P2RX5: variants seen among roughly 807,000 people sequenced by gnomAD.
P2RX5 encodes P2X purinoceptor 5.
P2RX5 carries 46 observed loss-of-function variants against 54.1 expected under a neutral mutation model. That is an observed-to-expected ratio of 0.85 (90% confidence interval 0.67 to 1.09). The LOEUF (loss-of-function observed/expected upper bound fraction) is 1.09, where lower values mean the gene tolerates loss of function less well. P2RX5 is among the 50% of genes least tolerant of loss of function. P2RX5 has a pLI of 0.00. For missense variants in P2RX5, 566 were observed against 549.8 expected (o/e 1.03, Z -0.29); for synonymous variants, 226 against 226.4 (o/e 1.00, Z 0.02).
chr17:3,685,263 C>G (rs2050408732), intron 9 of P2RX5, among the ~76,000 whole-genome samples: 3 of 152,330 alleles, frequency 2.0e-5, no homozygotes, highest in African/African-American at 4.8e-5. Context: ...AACCCATGCA[C>G]AGCTGCAGAG....
chr17:3,677,953 A>T (rs1254537372), intron 11 of P2RX5: 1 of 985,310 alleles, frequency 1.0e-6, no homozygotes, highest in African/African-American at 1.7e-5. Flanking sequence ...AAAGTTCAGG[A>T]GAGATGGCTG....
At chr17:3,714,094 A>AT in the P2RX5 span, among the ~76,000 whole-genome samples, 1 of 149,470 alleles carries the variant, frequency 6.7e-6, no homozygotes, top group Non-Finnish European at 1.5e-5. Flanking sequence ...CACCCGGCTA[A>AT]TTTTTTTTAT....
At chr17:3,723,783 C>T in the P2RX5 span, 6 of 1,601,068 alleles carry the variant, frequency 3.7e-6, no homozygotes, top group Non-Finnish European at 5.1e-6. Flanking sequence ...CTGAACAAAC[C>T]AAGCCGCCAG....
intron 9 of P2RX5, among the ~76,000 whole-genome samples, chr17:3,683,429 C>G (rs2050341140): frequency 6.6e-6 from 1 of 152,246 alleles, no homozygotes; most frequent in Non-Finnish European, 1.5e-5. Flanking sequence ...ATTTTACCCA[C>G]ATCACAAGAA....
chr17:3,691,045 C>A lies in P2RX5; in HGVS notation c.289-18G>T. 2 of 1,594,904 alleles carry A rather than the reference C, an allele frequency of 1.3e-6. No individual in the cohort carries two copies. The highest frequency in any genetic ancestry group is 2.7e-5 in the African/African-American group (2 of 74,734). ...TTCTCTCCCTAAGGAACCAGAGAGGCACTGAGGAACCTCCTCCTGCCCCTT... is the reference window on the plus strand; with the variant it reads ...TTCTCTCCCTAAGGAACCAGAGAGGAACTGAGGAACCTCCTCCTGCCCCTT... On this transcript the variant is annotated intron_variant, in intron 2 of 11. Transcript: ENST00000225328.
At chr17:3,691,998 A>T (rs2050630407) in intron 1 of P2RX5, 1 of 603,188 alleles carries the variant, frequency 1.7e-6, no homozygotes, top group Admixed American at 2.8e-5. Flanking sequence ...AGCAGAGGCG[A>T]CAAGCAACCC....
intron 10 of P2RX5, among the ~76,000 whole-genome samples, chr17:3,680,790 T>A (rs1263283931): frequency 3.2e-5 from 3 of 93,088 alleles, no homozygotes; most frequent in Admixed American, 1.0e-4. Flanking sequence ...TCCTCCACCC[T>A]GCATCCTCCA....
chr17:3,704,078 G>A, the P2RX5 span, among the ~76,000 whole-genome samples: 1 of 150,454 alleles, frequency 6.6e-6, no homozygotes, highest in Non-Finnish European at 1.5e-5. Context: ...CTCCAGCCTC[G>A]GCAACAAGAG....
intron 6 of P2RX5, 145 bp downstream of exon 6, chr17:3,689,925 C>T (rs746244647): frequency 3.1e-4 from 261 of 847,162 alleles, no homozygotes; most frequent in Non-Finnish European, 4.6e-4. Context: ...CACATGCACG[C>T]GCACACACGC....
At position 3,673,508 on chromosome 17, in the gene P2RX5, A is replaced by G; in HGVS notation, c.*360T>C. ...CGCACAATGCTATTCCCAGTGAGGT[A>G]ATCTAGGAACTCTACAGGGCACTGC... On this transcript the variant is annotated 3_prime_UTR_variant, in exon 12 of 12. Transcript: ENST00000225328. 8.3e-7 allele frequency: 1 copy of G among 1,206,766 alleles called. No individual in the cohort carries two copies. Among genetic ancestry groups the G allele is most frequent in the Non-Finnish European group, 1.0e-6 (1 of 959,506 alleles). The allele number at this position is 1,206,766 out of a possible 1,614,324, so 74.8% of individuals were successfully genotyped here.
Position 3,690,633 on chromosome 17 carries a change from G to A in P2RX5, c.408C>T (p.His136=), listed in dbSNP as rs376034792. 75 of 1,613,496 alleles carry A rather than the reference G, an allele frequency of 4.6e-5. 1 individual carries two copies. In the South Asian group the frequency reaches 6.1e-4, roughly 13 times the overall value. ...DGACSKDSDC[H]AGEAVTAGNG... is the part of the protein sequence containing the mutation. ...TTCCAGCTGTAACCGCTTCCCCAGC[G>A]TGGCAGTCGCTGTCCTTGGAGCACG... The change falls in exon 4 of 12, where the codon CAC becomes CAT. Residue 136 remains histidine, a synonymous_variant. Transcript: ENST00000225328.
chr17:3,690,849 C>T lies in P2RX5; in HGVS notation c.360+107G>A. ...ACCACACCCGGGTGCACACAGCCAC[C>T]CGAGACCCTTGGAGTGGACAGACAC... is the stretch of plus-strand genomic sequence containing the variant. On this transcript the variant is annotated intron_variant, in intron 3 of 11. Coordinates refer to ENST00000225328, the MANE Select transcript of P2RX5 (RefSeq NM_002561.4). The T allele has an allele frequency of 3.3e-6, 4 of 1,196,070 alleles. 1 individual carries two copies. The South Asian group carries it at 3.8e-5, about 11-fold the overall frequency. The allele number at this position is 1,196,070 out of a possible 1,614,324, so 74.1% of individuals were successfully genotyped here.
At chr17:3,717,580 G>T in the P2RX5 span, 2 of 152,258 alleles carry the variant, frequency 1.3e-5, no homozygotes, top group Admixed American at 6.5e-5. Context: ...GGTGGGGCCA[G>T]AGAGCCAACA....
At chr17:3,702,575 A>ACACTCACTGCGAAGGTCTGAAGCTT in the P2RX5 span, among the ~76,000 whole-genome samples, 1 of 152,212 alleles carries the variant, frequency 6.6e-6, no homozygotes, top group Non-Finnish European at 1.5e-5. Flanking sequence ...ATAAGCTGTA[A>ACACTCACTGCGAAGGTCTGAAGCTT]CACTCACTGC....
chr17:3,723,368 G>A, the P2RX5 span: 1 of 1,612,772 alleles, frequency 6.2e-7, no homozygotes, highest in Non-Finnish European at 8.5e-7. Flanking sequence ...CTCACTGAAT[G>A]CCATTCTTCC....
At chr17:3,723,577 GC>G in the P2RX5 span, 5 of 1,204,216 alleles carry the variant, frequency 4.2e-6, no homozygotes, top group Non-Finnish European at 3.5e-6. Context: ...GGGCCTGGCA[GC>G]CCCCGGCACT....
At chr17:3,692,308 T>C (rs567980998) in intron 1 of P2RX5, among the ~76,000 whole-genome samples, 1 of 151,350 alleles carries the variant, frequency 6.6e-6, no homozygotes, top group Non-Finnish European at 1.5e-5. Flanking sequence ...CAGAGTGAGA[T>C]TCTGTCTCAA....
the P2RX5 span, among the ~76,000 whole-genome samples, chr17:3,714,064 A>G: frequency 6.6e-6 from 1 of 151,320 alleles, no homozygotes; most frequent in African/African-American, 2.4e-5. Flanking sequence ...AGTAGCTGGG[A>G]CTACAGGCAC....
At chr17:3,689,952 G>GCACA (rs905423523) in intron 6 of P2RX5, 118 bp downstream of exon 6, 8 of 933,002 alleles carry the variant, frequency 8.6e-6, no homozygotes, top group Non-Finnish European at 1.4e-5. Context: ...GCGAACACAC[G>GCACA]CACACACGTG....
Sources: allele counts gnomAD v4.1 joint callset (sites outside exome capture counted in the v4.1 genomes callset), GRCh38; gene constraint gnomAD v4.1.1; transcripts MANE v1.5; gene names NCBI Gene and HGNC (gene_info 2026-07-23, HGNC 2026-07-21).